ARMC2: variants seen among roughly 807,000 people sequenced by gnomAD.
ARMC2 encodes the protein armadillo repeat-containing protein 2.
In ARMC2, 67 loss-of-function variants were observed where a neutral mutation model predicts 90.3. That is an observed-to-expected ratio of 0.74 (90% CI 0.61 to 0.91). ARMC2 has a LOEUF of 0.91. Among genes scored for constraint, ARMC2 ranks in the 40% least tolerant of loss-of-function variants. The probability of loss-of-function intolerance (pLI) is 0.00; values close to 1 mark genes in which losing one functional copy is unlikely to be tolerated. For synonymous variants in ARMC2, 393 were observed against 393.0 expected, an observed-to-expected ratio of 1.00 and a Z score of 0.00; for missense variants, 920 against 1,030.9, an observed-to-expected ratio of 0.89 and a Z score of 1.47.
At chr6:108,950,419 T>G (rs1326395337) in intron 12 of ARMC2, among the ~76,000 whole-genome samples, 1 of 152,180 alleles carries the variant, frequency 6.6e-6, no homozygotes, top group African/African-American at 2.4e-5. Flanking sequence ...GTAGTACATA[T>G]ACATCATGGA....
intron 15 of ARMC2, among the ~76,000 whole-genome samples, chr6:108,963,126 T>C (rs1778116060): frequency 6.6e-6 from 1 of 152,266 alleles, no homozygotes; most frequent in African/African-American, 2.4e-5. Context: ...TTATATTTAT[T>C]ATGTACAACA....
At chr6:109,047,378 G>A in the ARMC2 span, among the ~76,000 whole-genome samples, 73 of 82,472 alleles carry the variant, frequency 8.9e-4, no homozygotes, top group African/African-American at 2.2e-3. Flanking sequence ...CAGCCGCCCC[G>A]TCCGGGAGGT....
chr6:108,937,359 G>C (rs953853145), intron 12 of ARMC2, among the ~76,000 whole-genome samples: 2 of 152,130 alleles, frequency 1.3e-5, no homozygotes, highest in Admixed American at 6.5e-5. Flanking sequence ...ATTTCTTCCA[G>C]GTTTCATTCC....
chr6:108,854,930 T>C (rs1214100138), intron 2 of ARMC2, among the ~76,000 whole-genome samples: 4 of 152,234 alleles, frequency 2.6e-5, no homozygotes, highest in Non-Finnish European at 5.9e-5. Flanking sequence ...ACCACTGATC[T>C]TTTTACTGTC....
chr6:108,883,692 C>T (rs751057367), intron 5 of ARMC2, among the ~76,000 whole-genome samples: 1 of 152,100 alleles, frequency 6.6e-6, no homozygotes, highest in African/African-American at 2.4e-5. Flanking sequence ...TTGTGAAGAC[C>T]CATTCATCTG....
Position 108,973,461 on chromosome 6 carries a change from C to G in ARMC2, c.2551C>G (p.Arg851Gly). The G allele has an allele frequency of 6.2e-7, 1 of 1,613,718 alleles. No homozygotes were observed. Among genetic ancestry groups the G allele is most frequent in the Non-Finnish European group, 8.5e-7 (1 of 1,179,714 alleles). Residue 851 changes from arginine (R) to glycine (G), a missense_variant, in exon 18 of 18, where the codon CGA becomes GGA. Transcript: ENST00000392644. ...ACCTGTGGCACAGCAGCTTCTAAAC[C>G]GAATTCAGAGACATCACACCTTCCT... ...FKPVAQQLLN[R>G]IQRHHTFLEP...
intron 8 of ARMC2, chr6:108,907,590 G>T (rs561629410): frequency 1.3e-6 from 2 of 1,536,652 alleles, no homozygotes; most frequent in South Asian, 1.1e-5. Context: ...GGGGTGGGGG[G>T]GTGCAGAGCG....
chr6:109,009,223 T>C, the ARMC2 span: 2 of 887,318 alleles, frequency 2.3e-6, no homozygotes, highest in Admixed American at 4.3e-5. Context: ...GCCCGCCCTA[T>C]CTGGGGAGCG....
intron 12 of ARMC2, among the ~76,000 whole-genome samples, chr6:108,941,869 G>A (rs1776467576): frequency 6.6e-6 from 1 of 152,162 alleles, no homozygotes; most frequent in Non-Finnish European, 1.5e-5. Flanking sequence ...AATAAAGATT[G>A]AAATGTTGTA....
the ARMC2 span, among the ~76,000 whole-genome samples, chr6:109,052,852 T>A: frequency 6.6e-6 from 1 of 152,208 alleles, no homozygotes; most frequent in Non-Finnish European, 1.5e-5. Flanking sequence ...ATTGTTGACT[T>A]AATCCAGACT....
intron 3 of ARMC2, among the ~76,000 whole-genome samples, chr6:108,859,226 T>G (rs903397588): frequency 1.3e-5 from 2 of 152,114 alleles, no homozygotes; most frequent in African/African-American, 4.8e-5. Flanking sequence ...TGGATTTACC[T>G]CCTTGGAGAA....
intron 16 of ARMC2, among the ~76,000 whole-genome samples, chr6:108,964,745 G>A (rs192413735): frequency 1.1e-4 from 16 of 151,966 alleles, no homozygotes; most frequent in African/African-American, 3.6e-4. Context: ...AGCCGAGATC[G>A]CGCGACTGCA....
the ARMC2 span, chr6:109,001,465 G>A: frequency 1.2e-5 from 20 of 1,613,390 alleles, no homozygotes; most frequent in Middle Eastern, 1.6e-4. Context: ...GCATCTGTGC[G>A]TCTTCACTCC....
the ARMC2 span, chr6:109,001,225 A>T: frequency 7.3e-7 from 1 of 1,362,922 alleles, no homozygotes; most frequent in South Asian, 1.2e-5. Context: ...TAAAGCATTA[A>T]CTGTCTCTTA....
chr6:108,999,034 C>T, the ARMC2 span: 1 of 233,920 alleles, frequency 4.3e-6, no homozygotes. Context: ...AAAGTGGCTG[C>T]TGTATTTCAG....
chr6:108,914,855 G>A (rs1310034183), intron 10 of ARMC2, among the ~76,000 whole-genome samples: 3 of 152,040 alleles, frequency 2.0e-5, no homozygotes, highest in Admixed American at 1.3e-4. Context: ...TTCACCAGCC[G>A]GTTCATGTGC....
At chr6:109,023,449 CTA>C in the ARMC2 span, among the ~76,000 whole-genome samples, 1 of 152,168 alleles carries the variant, frequency 6.6e-6, no homozygotes, top group Non-Finnish European at 1.5e-5. Flanking sequence ...ATATGATCCA[CTA>C]TGTTTTTTTG....
the ARMC2 span, among the ~76,000 whole-genome samples, chr6:109,037,207 CACT>C: frequency 6.6e-6 from 1 of 152,202 alleles, no homozygotes; most frequent in African/African-American, 2.4e-5. Context: ...AACAATATTG[CACT>C]ACTATTTTCT....
At chr6:108,860,000 GTCT>G (rs1775049973) in intron 3 of ARMC2, among the ~76,000 whole-genome samples, 1 of 121,096 alleles carries the variant, frequency 8.3e-6, no homozygotes, top group African/African-American at 3.6e-5. Flanking sequence ...GTGAAACTCT[GTCT>G]TAAAAAAAAA....
Sources: allele counts gnomAD v4.1 joint callset (sites outside exome capture counted in the v4.1 genomes callset), GRCh38; gene constraint gnomAD v4.1.1; transcripts MANE v1.5; gene names NCBI Gene and HGNC (gene_info 2026-07-23, HGNC 2026-07-21).